The following CNOT1 variants were observed in gnomAD, a reference collection of about 807,000 sequenced individuals.
CNOT1 encodes the protein CCR4-NOT transcription complex subunit 1.
CNOT1 carries 15 observed loss-of-function variants against 273.8 expected under a neutral mutation model. The ratio of observed to expected loss-of-function variants is 0.05; its 90% CI spans 0.04 to 0.08. CNOT1 has a LOEUF of 0.08. CNOT1 is among the 10% of genes least tolerant of loss of function. CNOT1 has a pLI of 1.00. For synonymous variants in CNOT1, 1,022 were observed against 1,005.5 expected (o/e 1.02, Z -0.31); for missense variants, 1,644 against 2,912.2 (o/e 0.56, Z 10.02).
chr16:58,523,523 A>C (rs2039479629), intron 46 of CNOT1, 21 bp from the exon 47 acceptor site: 9 of 1,612,484 alleles, frequency 5.6e-6, no homozygotes, highest in South Asian at 1.1e-5. Flanking sequence ...AGAAACCTTG[A>C]CTTAGGACTT....
rs2041924256 is a variant in CNOT1 at position 58,587,763 on chromosome 16, A to G, written c.309+17T>C. On this transcript the variant is annotated intron_variant, in intron 4 of 48. Coordinates refer to ENST00000317147, the MANE Select transcript of CNOT1 (RefSeq NM_016284.5). ...CTAAGGAGAGATCACACTCTTAAAG[A>G]TAATAGTAATACCAACCTTCTGATA... 5 of 1,611,440 alleles carry G rather than the reference A, an allele frequency of 3.1e-6. No individual in the cohort carries two copies. Among genetic ancestry groups the G allele is most frequent in the Non-Finnish European group, 4.2e-6 (5 of 1,178,570 alleles).
At chr16:58,531,760 A>T (rs1287485351) in intron 42 of CNOT1, among the ~76,000 whole-genome samples, 198 bp downstream of exon 42, 1 of 152,242 alleles carries the variant, frequency 6.6e-6, no homozygotes, top group African/African-American at 2.4e-5. Context: ...TGAAGCAGCA[A>T]CACCTAATCA....
rs146141083 is a variant in CNOT1, at chr16:58,608,691, T to C, written c.-174-9180A>G. Among the ~76,000 whole-genome samples the C allele has an allele frequency of 3.6e-3, 553 of 152,048 alleles. 3 individuals are homozygous for C. Among genetic ancestry groups the C allele is most frequent in the Non-Finnish European group, 5.0e-3 (341 of 68,016 alleles). Reference sequence around the variant, plus strand: ...ACGTTTACAGCAGCACAATTCGCAATTGCAAAACATGGAACCAATCCAAAT... The same window carrying C: ...ACGTTTACAGCAGCACAATTCGCAACTGCAAAACATGGAACCAATCCAAAT... On this transcript the variant is annotated intron_variant, in intron 1 of 48. Coordinates refer to ENST00000317147, the MANE Select transcript of CNOT1 (RefSeq NM_016284.5).
At chr16:58,589,520 G>GA (rs138611009) in intron 2 of CNOT1, among the ~76,000 whole-genome samples, 61 of 150,284 alleles carry the variant, frequency 4.1e-4, no homozygotes, top group Non-Finnish European at 8.1e-4. Flanking sequence ...CTCAAAAAAA[G>GA]AAAAAAAAAT....
At chr16:58,578,982 A>C (rs1165970280) in intron 12 of CNOT1, 43 bp from the exon 13 acceptor site, 7 of 1,598,122 alleles carry the variant, frequency 4.4e-6, no homozygotes, top group African/African-American at 1.3e-5. Flanking sequence ...TGAAAATCCA[A>C]GTATACAGAT....
intron 44 of CNOT1, chr16:58,528,039 C>T (rs928964327): frequency 1.2e-5 from 5 of 402,908 alleles, no homozygotes; most frequent in South Asian, 3.7e-5. Flanking sequence ...CTTGAACCAG[C>T]GAAGGGGAGG....
chr16:58,584,003 C>T (rs185330407), intron 8 of CNOT1, among the ~76,000 whole-genome samples: 1 of 151,568 alleles, frequency 6.6e-6, no homozygotes, highest in African/African-American at 2.4e-5. Flanking sequence ...CCCATCTCTA[C>T]TAAAAATACA....
At chr16:58,568,964 T>C (rs1419280015) in intron 16 of CNOT1, among the ~76,000 whole-genome samples, 1 of 152,166 alleles carries the variant, frequency 6.6e-6, no homozygotes, top group Non-Finnish European at 1.5e-5. Flanking sequence ...TTATTTAAAG[T>C]TGTCTGTTTT....
intron 1 of CNOT1, among the ~76,000 whole-genome samples, chr16:58,608,481 G>A (rs899454632): frequency 1.4e-4 from 21 of 150,922 alleles, no homozygotes; most frequent in Non-Finnish European, 2.4e-4. Flanking sequence ...TTGAGCCTGG[G>A]AGGCTGAGGC....
chr16:58,526,782 G>A (rs369104527), intron 44 of CNOT1, among the ~76,000 whole-genome samples: 14 of 141,240 alleles, frequency 9.9e-5, no homozygotes, highest in African/African-American at 2.7e-4. Flanking sequence ...GCGCCATTGC[G>A]CTCCAGCCTG....
rs1491495628 is a variant in CNOT1, at chr16:58,543,423, A to AC, written c.4434+183_4434+184insG. 29 of 1,490,524 alleles carry AC rather than the reference A, an allele frequency of 1.9e-5. No homozygotes were observed. Among genetic ancestry groups the AC allele is most frequent in the Middle Eastern group, 1.8e-4 (1 of 5,686 alleles). The allele number at this position is 1,490,524 out of a possible 1,614,324, so 92.3% of individuals were successfully genotyped here. A position where few individuals can be genotyped will look rare whatever the true frequency, so the allele number is the denominator to read the frequency against. The stretch of plus-strand genomic sequence containing the variant: ...TGAGAATATAACAGAAAAAAAAAAA[A>AC]ACACACAGACATGATGCTTTGCCTC... On this transcript the variant is annotated intron_variant, in intron 31 of 48. Transcript: ENST00000317147.
chr16:58,580,453 C>A (rs920689994), intron 12 of CNOT1, among the ~76,000 whole-genome samples, 180 bp downstream of exon 12: 2 of 152,028 alleles, frequency 1.3e-5, no homozygotes, highest in Non-Finnish European at 2.9e-5. Context: ...ATATAACTAA[C>A]GATAGAGACT....
chr16:58,577,121 G>T (rs575252212), intron 13 of CNOT1, among the ~76,000 whole-genome samples: 2 of 149,600 alleles, frequency 1.3e-5, no homozygotes, highest in Non-Finnish European at 3.0e-5. Context: ...AGGTAGCCTG[G>T]TTTTCAGAAA....
At chr16:58,573,296 A>G (rs747829965) in intron 16 of CNOT1, among the ~76,000 whole-genome samples, 45 of 151,594 alleles carry the variant, frequency 3.0e-4, no homozygotes, top group Non-Finnish European at 5.7e-4. Flanking sequence ...ACAAGAGTGA[A>G]ACTCCATCTC....
rs550813937 is a variant in CNOT1 at position 58,553,640 on chromosome 16, A to G, written c.2970+142T>C. The G allele has an allele frequency of 5.7e-6, 6 of 1,055,768 alleles. No individual in the cohort carries two copies. In the East Asian group the frequency reaches 1.6e-4, roughly 29 times the overall value. 65.4% of individuals were successfully genotyped at this position (1,055,768 alleles called of 1,614,324 possible). On this transcript the variant is annotated intron_variant, in intron 22 of 48. Transcript: ENST00000317147. The stretch of plus-strand genomic sequence containing the variant: ...TAAGGCCACAAAATGAGCAACCTCA[A>G]CAAAAGATATGTGTACCTATATCAT...
chr16:58,590,190 C>A (rs1863985), intron 2 of CNOT1, among the ~76,000 whole-genome samples: 13,092 of 152,212 alleles, frequency 0.086, 716 homozygotes, highest in Middle Eastern at 0.16. Context: ...GCTTAATCTT[C>A]AAAAACTGCT....
chr16:58,588,120 A>T (rs560833478), intron 3 of CNOT1, among the ~76,000 whole-genome samples: 1 of 152,082 alleles, frequency 6.6e-6, no homozygotes, highest in Non-Finnish European at 1.5e-5. Flanking sequence ...CCAACATGGT[A>T]AAACCCTCTC....
intron 14 of CNOT1, among the ~76,000 whole-genome samples, chr16:58,575,513 T>C (rs1425601036): frequency 2.0e-5 from 3 of 151,994 alleles, no homozygotes; most frequent in African/African-American, 4.8e-5. Flanking sequence ...TAATATAGAG[T>C]CTAGGCTGTA....
At chr16:58,529,941 G>A (rs191099451) in intron 43 of CNOT1, among the ~76,000 whole-genome samples, 1 of 148,124 alleles carries the variant, frequency 6.8e-6, no homozygotes, top group Admixed American at 6.7e-5. Context: ...TGGTTAAAAT[G>A]AAAAACAGAT....
Sources: allele counts gnomAD v4.1 joint callset (sites outside exome capture counted in the v4.1 genomes callset), GRCh38; gene constraint gnomAD v4.1.1; transcripts MANE v1.5; gene names NCBI Gene and HGNC (gene_info 2026-07-23, HGNC 2026-07-21).